The following FRYL variants were observed in gnomAD, a reference collection of about 807,000 sequenced individuals.
FRYL encodes the protein protein furry homolog-like.
Under a neutral mutation model 351.2 loss-of-function variants are expected in FRYL, and 150 were observed. That is an observed-to-expected ratio of 0.43 (90% CI 0.37 to 0.49). The LOEUF (loss-of-function observed/expected upper bound fraction) is 0.49, where lower values mean the gene tolerates loss of function less well. Ranked by LOEUF, FRYL falls within the 20% of genes least tolerant of loss-of-function variation. The probability of loss-of-function intolerance (pLI) is 0.00; values close to 1 mark genes in which losing one functional copy is unlikely to be tolerated. For synonymous variants in FRYL, 1,153 were observed against 1,257.1 expected (o/e 0.92, Z 1.75); for missense variants, 3,036 against 3,619.3 (o/e 0.84, Z 4.13).
At chr4:48,577,171 T>C (rs1310109120) in intron 23 of FRYL, among the ~76,000 whole-genome samples, 1 of 152,200 alleles carries the variant, frequency 6.6e-6, no homozygotes, top group Non-Finnish European at 1.5e-5. Context: ...TTCTTGAAAA[T>C]GAAATCACAG....
At chr4:48,583,752 A>C (rs1338813611) in intron 19 of FRYL, among the ~76,000 whole-genome samples, 1 of 151,962 alleles carries the variant, frequency 6.6e-6, no homozygotes, top group Non-Finnish European at 1.5e-5. Context: ...AAAATACAAA[A>C]ACATTAACCA....
intron 40 of FRYL, among the ~76,000 whole-genome samples, 187 bp downstream of exon 40, chr4:48,548,503 G>T (rs930074423): frequency 2.6e-5 from 4 of 152,130 alleles, no homozygotes; most frequent in African/African-American, 7.2e-5. Context: ...AGACATGTTT[G>T]TTTGTGGTTA....
At chr4:48,778,965 T>G (rs989105128) in intron 1 of FRYL, among the ~76,000 whole-genome samples, 3 of 151,704 alleles carry the variant, frequency 2.0e-5, no homozygotes, top group African/African-American at 7.3e-5. Flanking sequence ...TCAGCTCTAC[T>G]AAGAACTCTT....
chr4:48,771,548 A>G (rs1775507650), intron 1 of FRYL, among the ~76,000 whole-genome samples: 1 of 152,216 alleles, frequency 6.6e-6, no homozygotes, highest in African/African-American at 2.4e-5. Flanking sequence ...CTTGAGTTAG[A>G]CTTAACAAGA....
chr4:48,653,747 T>C, intron 3 of FRYL: 2 of 1,291,080 alleles, frequency 1.5e-6, no homozygotes, highest in Non-Finnish European at 2.0e-6. Context: ...AAGGACTTTA[T>C]GCTAATTTCA....
intron 38 of FRYL, 73 bp downstream of exon 38, chr4:48,550,518 AT>A: frequency 1.1e-6 from 1 of 884,030 alleles, no homozygotes; most frequent in Non-Finnish European, 1.8e-6. Context: ...GAAAATATAT[AT>A]TTATTAACAT....
In FRYL at chr4:48,586,693, G is replaced by C; in HGVS notation, c.1676C>G (p.Thr559Ser). 1 of 1,610,230 alleles carries C rather than the reference G, an allele frequency of 6.2e-7. No individual in the cohort carries two copies. The highest frequency in any genetic ancestry group is 8.5e-7 in the Non-Finnish European group (1 of 1,178,546). ...ERKPKIDLFR[T>S]CIAAIPRLIP... The stretch of plus-strand genomic sequence containing the variant: ...CAACCTTGGAATCGCAGCAATACAA[G>C]TTCTAAACAAATCAATCTTGGGTTT... Residue 559 changes from threonine to serine, a missense_variant, in exon 19 of 64, where the codon ACT becomes AGT. Coordinates refer to ENST00000358350, the MANE Select transcript of FRYL (RefSeq NM_015030.2).
At position 48,535,679 on chromosome 4, in the gene FRYL, T is replaced by C. The variant is rs1728737900; in HGVS notation, c.6542A>G (p.Asn2181Ser). The C allele has an allele frequency of 6.3e-7, 1 of 1,588,748 alleles. No homozygotes were observed. Among genetic ancestry groups the C allele is most frequent in the African/African-American group, 1.4e-5 (1 of 73,546 alleles). ...TACCTCTGCAAGATAAGTCACAAGA[T>C]TAAATGTTGTATCTGAGAAGGAGTC... is the stretch of plus-strand genomic sequence containing the variant. ...LHDSFSDTTF[N>S]LVTYLAELLE... The change falls in exon 48 of 64, where the codon AAT becomes AGT. Residue 2181 changes from asparagine (N) to serine (S), a missense_variant. This residue lies in a region of FRYL where 1,987 missense variants were observed against 2,311.7 expected (regional missense o/e 0.86). Coordinates refer to ENST00000358350, the MANE Select transcript of FRYL (RefSeq NM_015030.2).
intron 49 of FRYL, among the ~76,000 whole-genome samples, chr4:48,531,589 C>G (rs1338410795): frequency 1.3e-5 from 2 of 152,190 alleles, no homozygotes; most frequent in Non-Finnish European, 2.9e-5. Context: ...ACTGAAATAT[C>G]TTGCTTTTCT....
intron 4 of FRYL, among the ~76,000 whole-genome samples, chr4:48,632,102 A>ATATATATATATATATGTATG (rs1753254752): frequency 5.4e-5 from 2 of 36,774 alleles, no homozygotes; most frequent in Non-Finnish European, 1.2e-4. Flanking sequence ...ATATATATAT[A>ATATATATATATATATGTATG]TATATATATA....
At chr4:48,638,613 A>C (rs1340872197) in intron 3 of FRYL, 1 of 152,162 alleles carries the variant, frequency 6.6e-6, no homozygotes, top group Non-Finnish European at 1.5e-5. Context: ...CTGGGTATAT[A>C]CCCAAAGGAT....
chr4:48,638,548 G>A (rs1754709511), intron 3 of FRYL: 1 of 152,146 alleles, frequency 6.6e-6, no homozygotes, highest in Admixed American at 6.5e-5. Context: ...AGACAGTATG[G>A]CAATTCCTCA....
In FRYL at chr4:48,563,950, G is replaced by A. The variant is rs1286712222; in HGVS notation, c.3594C>T (p.Asn1198=). The part of the protein sequence containing the change: ...CFKAIANVFQ[N]RDYQCDTVML... ...CAAAAAACCTGTATCTAAAGTACCT[G>A]TTCTGGAAAACATTAGCAATGGCTT... The change falls in exon 31 of 64, where the codon AAC becomes AAT. Residue 1198 remains asparagine, a splice_region_variant and synonymous_variant. Transcript: ENST00000358350. 14 of 1,612,130 alleles carry A rather than the reference G, an allele frequency of 8.7e-6. No individual in the cohort carries two copies. Among genetic ancestry groups the A allele is most frequent in the Non-Finnish European group, 1.2e-5 (14 of 1,179,568 alleles).
intron 19 of FRYL, among the ~76,000 whole-genome samples, chr4:48,584,304 C>A (rs546256869): frequency 2.0e-5 from 3 of 152,188 alleles, no homozygotes; most frequent in Admixed American, 6.5e-5. Context: ...ATGGAGTTAT[C>A]CACAACAGAG....
chr4:48,517,368 G>A lies in FRYL; in HGVS notation c.7690-2093C>T, dbSNP rs550687997. Among the ~76,000 whole-genome samples the A allele has an allele frequency of 2.6e-5, 4 of 152,254 alleles. No individual in the cohort carries two copies. In the South Asian group the frequency reaches 8.3e-4, roughly 32 times the overall value. On this transcript the variant is annotated intron_variant, in intron 55 of 63. Coordinates refer to ENST00000358350, the MANE Select transcript of FRYL (RefSeq NM_015030.2). The stretch of plus-strand genomic sequence containing the variant: ...ATTTTTTCTTGAATAATAATTTCAA[G>A]ATGATATTTTATCTGTAGTTAGTAT...
chr4:48,611,539 C>T (rs1166981399), intron 7 of FRYL, among the ~76,000 whole-genome samples: 2 of 151,878 alleles, frequency 1.3e-5, no homozygotes, highest in Non-Finnish European at 2.9e-5. Flanking sequence ...TTTTTAATTA[C>T]TAAAGCTTAA....
intron 27 of FRYL, among the ~76,000 whole-genome samples, chr4:48,568,605 GAATA>G (rs982483447): frequency 3.3e-5 from 5 of 151,542 alleles, no homozygotes; most frequent in Non-Finnish European, 7.4e-5. Context: ...AGTAACTTCG[GAATA>G]AATACCCTAA....
chr4:48,555,713 G>A (rs1040370101), intron 35 of FRYL, among the ~76,000 whole-genome samples: 6 of 152,116 alleles, frequency 3.9e-5, no homozygotes, highest in Admixed American at 1.3e-4. Flanking sequence ...GGTAACGTGC[G>A]GTAACGTTGT....
At chr4:48,735,619 C>T (rs1578872244) in intron 1 of FRYL, among the ~76,000 whole-genome samples, 1 of 4,956 alleles carries the variant, frequency 2.0e-4, no homozygotes, top group Non-Finnish European at 6.1e-4. Context: ...GGCACATATA[C>T]ACCATGGAAT....
Sources: gnomAD v4.1 joint callset for allele counts (sites outside exome capture counted in the v4.1 genomes callset) on GRCh38, gnomAD v4.1.1 for gene constraint, gnomAD v4.1.1 regional missense constraint, MANE v1.5 for transcripts, NCBI Gene and HGNC (gene_info 2026-07-23, HGNC 2026-07-21) for gene names.